Variants in BCKDHB observed in about 807,000 individuals in gnomAD.
The protein encoded by BCKDHB is branched chain keto acid dehydrogenase E1 subunit beta, also known as 2-oxoisovalerate dehydrogenase subunit beta, mitochondrial.
A neutral mutation model predicts 48.5 loss-of-function variants in BCKDHB; 41 were observed. The observed-to-expected ratio is 0.85, with a 90% CI of 0.66 to 1.10. BCKDHB has a LOEUF of 1.10. Ranked by LOEUF, BCKDHB falls within the 50% of genes least tolerant of loss-of-function variation. The pLI, the probability that BCKDHB is intolerant of heterozygous loss-of-function variation, is 0.00. For synonymous variants in BCKDHB, 201 were observed against 174.8 expected (o/e 1.15, Z -1.18); for missense variants, 496 against 494.2 (o/e 1.00, Z -0.03).
At chr6:80,286,256 A>G (rs79252110) in intron 9 of BCKDHB, among the ~76,000 whole-genome samples, 1,629 of 152,288 alleles carry the variant, frequency 0.011, 27 homozygotes, top group African/African-American at 0.037. Flanking sequence ...ACATTTAAAA[A>G]CAATTTCTCC....
At chr6:80,388,029 A>G in the BCKDHB span, among the ~76,000 whole-genome samples, 1 of 152,214 alleles carries the variant, frequency 6.6e-6, no homozygotes, top group Non-Finnish European at 1.5e-5. Context: ...TTCTAAGGTG[A>G]AGCATAAGTT....
intron 9 of BCKDHB, among the ~76,000 whole-genome samples, chr6:80,335,678 A>G (rs1006640148): frequency 6.6e-6 from 1 of 152,062 alleles, no homozygotes; most frequent in Non-Finnish European, 1.5e-5. Context: ...GAGGCTGACT[A>G]CAGCAAATAA....
At chr6:80,444,921 C>T in the BCKDHB span, among the ~76,000 whole-genome samples, 2 of 152,124 alleles carry the variant, frequency 1.3e-5, no homozygotes, top group East Asian at 3.8e-4. Context: ...TTAACACTAC[C>T]TACATTTTTC....
the BCKDHB span, among the ~76,000 whole-genome samples, chr6:80,444,503 G>C: frequency 2.0e-5 from 3 of 152,000 alleles, no homozygotes; most frequent in Non-Finnish European, 4.4e-5. Context: ...AAAGATTTAA[G>C]TCTATTTAAA....
chr6:80,300,842 A>G (rs1767541780), intron 9 of BCKDHB, among the ~76,000 whole-genome samples: 1 of 152,222 alleles, frequency 6.6e-6, no homozygotes, highest in African/African-American at 2.4e-5. Context: ...AATATAAATC[A>G]ATATCAAGAA....
the BCKDHB span, among the ~76,000 whole-genome samples, chr6:80,359,617 T>C: frequency 8.0e-4 from 122 of 152,294 alleles, no homozygotes; most frequent in Non-Finnish European, 1.4e-3. Context: ...TTTTTTGAGA[T>C]GGAGTCTCCC....
chr6:80,378,838 T>C, the BCKDHB span, among the ~76,000 whole-genome samples: 1 of 152,230 alleles, frequency 6.6e-6, no homozygotes, highest in Non-Finnish European at 1.5e-5. Flanking sequence ...CCCTGACTGA[T>C]ATAATATCTC....
chr6:80,107,512 C>CGCATATATATATAT (rs1161411846), intron 1 of BCKDHB, among the ~76,000 whole-genome samples: 2 of 28,818 alleles, frequency 6.9e-5, no homozygotes, highest in African/African-American at 3.2e-4. Context: ...TATATATGTG[C>CGCATATATATATAT]GCATATATAT....
chr6:80,186,552 G>A (rs1011698501), intron 6 of BCKDHB, among the ~76,000 whole-genome samples: 4 of 152,208 alleles, frequency 2.6e-5, no homozygotes, highest in Admixed American at 6.5e-5. Context: ...TGCACCATCA[G>A]CTGTGGCTTC....
the BCKDHB span, among the ~76,000 whole-genome samples, chr6:80,383,343 A>G: frequency 0.91 from 139,000 of 152,126 alleles, 64,814 homozygotes; most frequent in East Asian, 1. Context: ...TATAAGAATA[A>G]TAGCACTGTT....
the BCKDHB span, among the ~76,000 whole-genome samples, chr6:80,403,891 G>T: frequency 6.6e-6 from 1 of 151,868 alleles, no homozygotes; most frequent in African/African-American, 2.4e-5. Flanking sequence ...ATTAATTTGT[G>T]TATGTTGAAT....
chr6:80,234,908 G>T (rs1398259615), intron 8 of BCKDHB, among the ~76,000 whole-genome samples: 2 of 152,114 alleles, frequency 1.3e-5, no homozygotes, highest in African/African-American at 4.8e-5. Flanking sequence ...TGGCCGGAAA[G>T]TCAGGCCGAG....
chr6:80,371,591 T>C, the BCKDHB span, among the ~76,000 whole-genome samples: 2 of 152,154 alleles, frequency 1.3e-5, no homozygotes, highest in African/African-American at 4.8e-5. Flanking sequence ...TCCAATGTTA[T>C]CTTCTAGAAT....
intron 8 of BCKDHB, among the ~76,000 whole-genome samples, chr6:80,256,001 T>C (rs889804301): frequency 3.3e-5 from 5 of 152,176 alleles, no homozygotes; most frequent in African/African-American, 9.7e-5. Flanking sequence ...CTTTGGTTAT[T>C]TCCCCCCAAA....
At position 80,346,174 on chromosome 6, in the gene BCKDHB, G is replaced by A. The variant is rs1426549548; in HGVS notation, c.*2370G>A. On this transcript the variant is annotated 3_prime_UTR_variant, in exon 10 of 10. Coordinates refer to ENST00000320393, the MANE Select transcript of BCKDHB (RefSeq NM_183050.4). Reference sequence around the variant, plus strand: ...TCATTAAGAGTTTCAGATTAACTTTGAAAAATATTCCACATGGTAATCTTA... The same window carrying A: ...TCATTAAGAGTTTCAGATTAACTTTAAAAAATATTCCACATGGTAATCTTA... 1 of 152,068 alleles carries A rather than the reference G, an allele frequency of 6.6e-6. No individual in the cohort carries two copies. The highest frequency in any genetic ancestry group is 1.5e-5 in the Non-Finnish European group (1 of 67,996). 9.4% of individuals were successfully genotyped at this position (152,068 alleles called of 1,614,324 possible).
intron 8 of BCKDHB, among the ~76,000 whole-genome samples, chr6:80,271,216 T>C (rs1267174189): frequency 1.3e-5 from 2 of 152,162 alleles, no homozygotes; most frequent in East Asian, 3.9e-4. Context: ...GTCCTGCAAC[T>C]TACTCATTTT....
intron 8 of BCKDHB, among the ~76,000 whole-genome samples, chr6:80,211,578 G>A (rs556421485): frequency 6.6e-6 from 1 of 152,280 alleles, no homozygotes; most frequent in East Asian, 1.9e-4. Flanking sequence ...CCCATTGAGA[G>A]AGAAGTCAAA....
chr6:80,173,538 A>T (rs1773014578), intron 6 of BCKDHB, among the ~76,000 whole-genome samples: 1 of 152,148 alleles, frequency 6.6e-6, no homozygotes, highest in South Asian at 2.1e-4. Flanking sequence ...GTCAGTTTTT[A>T]TCCAAGACTT....
At chr6:80,231,695 A>G (rs911753827) in intron 8 of BCKDHB, among the ~76,000 whole-genome samples, 1 of 152,244 alleles carries the variant, frequency 6.6e-6, no homozygotes, top group African/African-American at 2.4e-5. Context: ...GGCCAGGCGC[A>G]GTGGCTTATG....
Sources: allele counts gnomAD v4.1 joint callset (sites outside exome capture counted in the v4.1 genomes callset), GRCh38; gene constraint gnomAD v4.1.1; transcripts MANE v1.5; gene names NCBI Gene and HGNC (gene_info 2026-07-23, HGNC 2026-07-21).